The following DIP2C variants were observed in gnomAD, a reference collection of about 807,000 sequenced individuals.
DIP2C encodes DIP2 acetate--CoA ligase C (putative), also known as disco-interacting protein 2 homolog C.
A neutral mutation model predicts 192.4 loss-of-function variants in DIP2C; 33 were observed. The ratio of observed to expected loss-of-function variants is 0.17; its 90% CI spans 0.13 to 0.23. The LOEUF (loss-of-function observed/expected upper bound fraction) is 0.23. DIP2C is among the 10% of genes least tolerant of loss of function. The probability of loss-of-function intolerance (pLI) is 1.00; values close to 1 mark genes in which losing one functional copy is unlikely to be tolerated. For synonymous variants in DIP2C, 979 were observed against 864.1 expected (o/e 1.13, Z -2.33); for missense variants, 1,537 against 2,110.1 (o/e 0.73, Z 5.32).
Position 364,481 on chromosome 10 carries a change from C to T in DIP2C, c.2370G>A (p.Val790=), listed in dbSNP as rs1959940677. The change falls in exon 20 of 37, where the codon GTG becomes GTA. Residue 790 remains valine (V), a synonymous_variant. Coordinates refer to ENST00000280886, the MANE Select transcript of DIP2C (RefSeq NM_014974.3). ...FVGPGGLVFV[V]GKMDGLMVVS... is the part of the protein sequence containing the mutation. ...CCACCATGAGGCCATCCATCTTGCC[C>T]ACCACGAAGACGAGGCCTCCGGGAC... The T allele has an allele frequency of 1.9e-6, 3 of 1,614,184 alleles. No individual in the cohort carries two copies. The highest frequency in any genetic ancestry group is 1.1e-5 in the South Asian group (1 of 91,086).
chr10:556,451 C>T (rs1848878260), intron 1 of DIP2C, among the ~76,000 whole-genome samples: 1 of 145,836 alleles, frequency 6.9e-6, no homozygotes, highest in Non-Finnish European at 1.5e-5. Flanking sequence ...CCACCCACAC[C>T]TTCCCAAGAG....
At chr10:349,182 A>T in intron 25 of DIP2C, 149 bp downstream of exon 25, 1 of 1,144,692 alleles carries the variant, frequency 8.7e-7, no homozygotes, top group South Asian at 1.7e-5. Context: ...CCAGACACAA[A>T]CGGGCTGGTT....
rs571220879 is a variant in DIP2C, at chr10:384,947, G to A, written c.1663-308C>T. Among the ~76,000 whole-genome samples, 313 of 151,212 alleles carry A rather than the reference G, an allele frequency of 2.1e-3. 1 individual carries two copies. The highest frequency in any genetic ancestry group is 0.014 in the Middle Eastern group (4 of 292). ...CGCGGACACCAGGCTGCACGGGCCA[G>A]GAGGAGCAGCAGTTCTCAAGGAGCA... On this transcript the variant is annotated intron_variant, in intron 14 of 36. Coordinates refer to ENST00000280886, the MANE Select transcript of DIP2C (RefSeq NM_014974.3).
At chr10:487,884 CT>C (rs1431417413) in intron 1 of DIP2C, among the ~76,000 whole-genome samples, 6 of 152,304 alleles carry the variant, frequency 3.9e-5, no homozygotes, top group African/African-American at 1.4e-4. Flanking sequence ...CCGATGCTAA[CT>C]AGGTAGCTGG....
At chr10:612,291 CA>C (rs138521910) in intron 1 of DIP2C, among the ~76,000 whole-genome samples, 16,332 of 141,410 alleles carry the variant, frequency 0.12, 1,178 homozygotes, top group African/African-American at 0.22. Flanking sequence ...GACTCCGTCT[CA>C]AAAAAAAAAA....
At chr10:421,510 A>G (rs2133157476) in intron 5 of DIP2C, among the ~76,000 whole-genome samples, 1 of 152,084 alleles carries the variant, frequency 6.6e-6, no homozygotes, top group African/African-American at 2.4e-5. Context: ...ATACACATGG[A>G]ATTTTATTAC....
In DIP2C at chr10:648,654, G is replaced by C. The variant is rs573992373; in HGVS notation, c.85+40840C>G. ...GGAAACTGAGTCCACGTCCACATTG[G>C]ATGGTGGGAGAGAACATAGGGAAAC... is the stretch of plus-strand genomic sequence containing the variant. On this transcript the variant is annotated intron_variant, in intron 1 of 36. Transcript: ENST00000280886. Among the ~76,000 whole-genome samples, 10 of 151,254 alleles carry C rather than the reference G, an allele frequency of 6.6e-5. No individual in the cohort carries two copies. The East Asian group carries it at 1.6e-3, about 24-fold the overall frequency.
intron 17 of DIP2C, chr10:369,931 C>G: frequency 4.7e-6 from 6 of 1,263,272 alleles, no homozygotes; most frequent in South Asian, 1.7e-5. Flanking sequence ...GACCAGCTCT[C>G]TCTCCCCTCC....
intron 1 of DIP2C, among the ~76,000 whole-genome samples, chr10:672,358 C>T (rs1054836058): frequency 1.3e-5 from 2 of 152,254 alleles, no homozygotes; most frequent in African/African-American, 2.4e-5. Context: ...GACGCGCACA[C>T]GCCAGTGTGG....
chr10:388,938 A>G (rs1341081046), intron 13 of DIP2C, among the ~76,000 whole-genome samples: 1 of 119,202 alleles, frequency 8.4e-6, no homozygotes, highest in Non-Finnish European at 1.8e-5. Flanking sequence ...ATCCTAAGGG[A>G]TCTCAGGGAC....
chr10:412,411 G>C (rs999874574), intron 8 of DIP2C, among the ~76,000 whole-genome samples: 11 of 152,200 alleles, frequency 7.2e-5, no homozygotes, highest in African/African-American at 2.4e-4. Flanking sequence ...ATTAGCTCCA[G>C]GGCTGAATTT....
At chr10:405,528 A>AGAAC (rs1412487850) in intron 9 of DIP2C, among the ~76,000 whole-genome samples, 2 of 152,250 alleles carry the variant, frequency 1.3e-5, no homozygotes, top group Non-Finnish European at 1.5e-5. Context: ...TTTAAGGAAG[A>AGAAC]GAACGTTGTA....
intron 17 of DIP2C, among the ~76,000 whole-genome samples, chr10:372,922 C>T (rs910441084): frequency 6.6e-6 from 1 of 152,254 alleles, no homozygotes; most frequent in Non-Finnish European, 1.5e-5. Context: ...GATGCCTCCC[C>T]CTCCAGATGG....
intron 1 of DIP2C, among the ~76,000 whole-genome samples, chr10:594,797 T>A (rs1175184101): frequency 6.6e-6 from 1 of 152,142 alleles, no homozygotes; most frequent in Non-Finnish European, 1.5e-5. Context: ...GGGCGGAATC[T>A]CGACTCTCCG....
chr10:679,523 G>A (rs1451957366), intron 1 of DIP2C, among the ~76,000 whole-genome samples: 24 of 2,042 alleles, frequency 0.012, no homozygotes, highest in Non-Finnish European at 0.037. Flanking sequence ...CCACGCCCAT[G>A]CTCCCCACGC....
chr10:332,672 G>T (rs1037237504), intron 29 of DIP2C, among the ~76,000 whole-genome samples: 4 of 152,122 alleles, frequency 2.6e-5, no homozygotes, highest in Admixed American at 6.5e-5. Context: ...ACTTCAAAAA[G>T]AATAAAAATA....
intron 1 of DIP2C, among the ~76,000 whole-genome samples, chr10:574,898 T>G (rs1588493515): frequency 6.6e-6 from 1 of 152,128 alleles, no homozygotes; most frequent in Non-Finnish European, 1.5e-5. Context: ...TTTAATGTGA[T>G]TCGGTTTGTC....
intron 36 of DIP2C, among the ~76,000 whole-genome samples, chr10:278,265 A>G (rs1312020844): frequency 6.7e-6 from 1 of 149,036 alleles, no homozygotes; most frequent in South Asian, 2.2e-4. Context: ...TGCGGAGGCC[A>G]AGGGCATGGG....
intron 1 of DIP2C, among the ~76,000 whole-genome samples, chr10:622,906 G>A (rs565868200): frequency 2.0e-5 from 3 of 152,272 alleles, no homozygotes; most frequent in African/African-American, 4.8e-5. Context: ...ATTAGAGCTC[G>A]AGAAGCTCAA....
Sources: gnomAD v4.1 joint callset for allele counts (sites outside exome capture counted in the v4.1 genomes callset) on GRCh38, gnomAD v4.1.1 for gene constraint, MANE v1.5 for transcripts, NCBI Gene and HGNC (gene_info 2026-07-23, HGNC 2026-07-21) for gene names.